PLXNB2: variants seen among roughly 807,000 people sequenced by gnomAD.
PLXNB2 encodes plexin B2, also known as plexin-B2.
Under a neutral mutation model 202.6 loss-of-function variants are expected in PLXNB2, and 85 were observed. The observed-to-expected ratio is 0.42, with a 90% CI of 0.35 to 0.50. The LOEUF (loss-of-function observed/expected upper bound fraction) is 0.50, where lower values mean the gene tolerates loss of function less well. Among genes scored for constraint, PLXNB2 ranks in the 20% least tolerant of loss-of-function variants. The pLI is 0.02. For synonymous variants in PLXNB2, 1,239 were observed against 1,137.6 expected, an observed-to-expected ratio of 1.09 and a Z score of -1.79; for missense variants, 2,063 against 2,586.2, an observed-to-expected ratio of 0.80 and a Z score of 4.39.
Position 50,294,677 on chromosome 22 carries a change from T to C in PLXNB2, c.-14+42A>G, listed in dbSNP as rs1410318271. On this transcript the variant is annotated intron_variant, in intron 2 of 36. Transcript: ENST00000359337. ...GATACCTCCGGCCTCCCTGTCCACA[T>C]AGCCCCAGCCACCCACTGCCTTTCC... 5.5e-6 allele frequency: 5 copies of C among 915,596 alleles called. No individual in the cohort carries two copies. The Admixed American group carries it at 1.9e-4, about 34-fold the overall frequency. 56.7% of individuals were successfully genotyped at this position (915,596 alleles called of 1,614,324 possible). A position where few individuals can be genotyped will look rare whatever the true frequency, so the allele number is the denominator to read the frequency against.
intron 19 of PLXNB2, 33 bp from the exon 20 acceptor site, chr22:50,282,114 C>T (rs764515134): frequency 3.7e-6 from 6 of 1,604,520 alleles, no homozygotes; most frequent in Non-Finnish European, 5.1e-6. Flanking sequence ...AGCCCCCGGG[C>T]GCAGACCCCG....
chr22:50,307,505 C>T (rs899791761), intron 1 of PLXNB2, 48 bp downstream of exon 1: 4 of 936,472 alleles, frequency 4.3e-6, no homozygotes, highest in Middle Eastern at 5.4e-4. Flanking sequence ...AAGCCCCCCC[C>T]ACGCCCAGCG....
chr22:50,298,869 C>A (rs906133011), intron 1 of PLXNB2, among the ~76,000 whole-genome samples: 3 of 152,384 alleles, frequency 2.0e-5, no homozygotes, highest in East Asian at 1.9e-4. Context: ...CGGTTTCGAA[C>A]TCCTGAGCTC....
At chr22:50,276,039 C>T in intron 35 of PLXNB2, 76 bp from the exon 36 acceptor site, 1 of 1,428,002 alleles carries the variant, frequency 7.0e-7, no homozygotes, top group Admixed American at 1.7e-5. Context: ...GTACGGGACG[C>T]CCAGGACGAG....
At chr22:50,279,929 G>C in intron 26 of PLXNB2, 76 bp downstream of exon 26, 1 of 1,419,626 alleles carries the variant, frequency 7.0e-7, no homozygotes, top group Non-Finnish European at 9.8e-7. Context: ...GTGCCGTACA[G>C]ATAGGGGAAC....
Position 50,297,122 on chromosome 22 carries a change from C to A in PLXNB2, c.-73-2344G>T, listed in dbSNP as rs1291632798. ...GGTCTCCTGAGAAAGCTGGGACCCG[C>A]GGGGACTGGAGACTGCAGCTCCCGA... On this transcript the variant is annotated intron_variant, in intron 1 of 36. Coordinates refer to ENST00000359337, the MANE Select transcript of PLXNB2 (RefSeq NM_012401.4). The surrounding 1 kb of genome is among the most constrained non-coding windows in gnomAD (Gnocchi z 5.3). Among the ~76,000 whole-genome samples the A allele has an allele frequency of 6.6e-6, 1 of 152,186 alleles. No individual in the cohort carries two copies. The highest frequency in any genetic ancestry group is 1.5e-5 in the Non-Finnish European group (1 of 68,028).
In PLXNB2 at chr22:50,283,965, G is replaced by A. The variant is rs556323451; in HGVS notation, c.2289C>T (p.Gly763=). The change falls in exon 14 of 37, where the codon GGC becomes GGT. Residue 763 remains glycine, a synonymous_variant. Coordinates refer to ENST00000359337, the MANE Select transcript of PLXNB2 (RefSeq NM_012401.4). ...LHVTLYNCSF[G]RSDCSLCRAA... ...CCCGGCACAGGCTGCAGTCGCTGCG[G>A]CCAAAGGAGCAGTTGTAGAGGGTCA... is the stretch of plus-strand genomic sequence containing the variant. 119 of 1,550,008 alleles carry A rather than the reference G, an allele frequency of 7.7e-5. 1 individual carries two copies. In the East Asian group the frequency reaches 2.8e-3, roughly 36 times the overall value.
At chr22:50,298,166 G>A (rs1211906868) in intron 1 of PLXNB2, among the ~76,000 whole-genome samples, 1 of 152,260 alleles carries the variant, frequency 6.6e-6, no homozygotes, top group Non-Finnish European at 1.5e-5. Context: ...TGACATGCAG[G>A]GGCGCGAGCC....
Position 50,289,671 on chromosome 22 carries a change from C to A in PLXNB2, c.914G>T (p.Gly305Val). The change falls in exon 3 of 37, where the codon GGG becomes GTG. Residue 305 changes from glycine to valine, a missense_variant. Physicochemically the swap from Gly to Val is moderately radical, Grantham distance 109 (BLOSUM62 -3). Transcript: ENST00000359337. This position sits in a 1 kb window ranked among gnomAD's most constrained non-coding sequence, Gnocchi z 8.0. ...AVFSRDSRSSGGPGAGLCLFP... is the reference protein window; with the variant it reads ...AVFSRDSRSSVGPGAGLCLFP... The stretch of plus-strand genomic sequence containing the variant: ...CAGGCAGAGGCCCGCACCGGGCCCC[C>A]CACTGCTCCGGCTGTCTCTGCTGAA... The A allele has an allele frequency of 1.2e-6, 2 of 1,610,184 alleles. No homozygotes were observed. Among genetic ancestry groups the A allele is most frequent in the Non-Finnish European group, 1.7e-6 (2 of 1,179,832 alleles).
Position 50,303,337 on chromosome 22 carries a change from G to A in PLXNB2, c.-74+4216C>T, listed in dbSNP as rs899640838. ...CCCCACTTTGGACCAGCAGGGCAGG[G>A]GGGTTCCTCCTCTGAGAAGTCCTCA... On this transcript the variant is annotated intron_variant, in intron 1 of 36. Transcript: ENST00000359337. Among the ~76,000 whole-genome samples the A allele has an allele frequency of 5.3e-5, 8 of 152,222 alleles. 1 individual carries two copies.
intron 1 of PLXNB2, among the ~76,000 whole-genome samples, chr22:50,303,682 CTG>C (rs959564955): frequency 1.3e-5 from 2 of 152,254 alleles, no homozygotes; most frequent in African/African-American, 2.4e-5. Context: ...GTGCTGGACA[CTG>C]TGTCTCCACA....
intron 1 of PLXNB2, among the ~76,000 whole-genome samples, chr22:50,296,590 C>CAAAAAA (rs34197202): frequency 2.1e-4 from 12 of 56,426 alleles, no homozygotes; most frequent in East Asian, 5.6e-4. Context: ...GACTCTGTCT[C>CAAAAAA]AAAAAAAAAA....
In PLXNB2 at chr22:50,283,168, C is replaced by T; in HGVS notation, c.2698G>A (p.Val900Met). ...FTFQQPKPLS[V>M]EPQQGPQAGG... ...GCCTGCGGTCCCTGCTGCGGCTCCA[C>T]ACTGAGAGGCTTGGGCTGCTGAAAG... Residue 900 changes from valine to methionine, a missense_variant, in exon 17 of 37, where the codon GTG becomes ATG. This residue lies in a region of PLXNB2 where 1,303 missense variants were observed against 1,476.8 expected (regional missense o/e 0.88). Transcript: ENST00000359337. 1.3e-6 allele frequency: 2 copies of T among 1,599,708 alleles called. No homozygotes were observed. Among genetic ancestry groups the T allele is most frequent in the Non-Finnish European group, 8.5e-7 (1 of 1,174,670 alleles).
At position 50,282,699 on chromosome 22, in the gene PLXNB2, C is replaced by A; in HGVS notation, c.2987+12G>T. 1 of 1,508,820 alleles carries A rather than the reference C, an allele frequency of 6.6e-7. No individual in the cohort carries two copies. Among genetic ancestry groups the A allele is most frequent in the Non-Finnish European group, 8.9e-7 (1 of 1,124,418 alleles). 93.5% of individuals were successfully genotyped at this position (1,508,820 alleles called of 1,614,324 possible). On this transcript the variant is annotated intron_variant, in intron 18 of 36. Coordinates refer to ENST00000359337, the MANE Select transcript of PLXNB2 (RefSeq NM_012401.4). The stretch of plus-strand genomic sequence containing the variant: ...TGGGGAGCAGAGGGGGGCGGGGGGA[C>A]ACCAGCCTCACCTGGCAAAGCTTCG...
chr22:50,290,592 C>G lies in PLXNB2; in HGVS notation c.-8G>C. 2 of 1,593,634 alleles carry G rather than the reference C, an allele frequency of 1.3e-6. No homozygotes were observed. The highest frequency in any genetic ancestry group is 1.3e-5 in the African/African-American group (1 of 74,692). On this transcript the variant is annotated 5_prime_UTR_variant, in exon 3 of 37. Coordinates refer to ENST00000359337, the MANE Select transcript of PLXNB2 (RefSeq NM_012401.4). ...CCAGAGCTGCAGTGCCATTGCCCCC[C>G]GCACCCTGTGGGAAGAGAGAAGGGT...
At chr22:50,280,152 C>T in intron 25 of PLXNB2, 81 bp from the exon 26 acceptor site, 2 of 1,199,174 alleles carry the variant, frequency 1.7e-6, no homozygotes, top group Non-Finnish European at 2.4e-6. Flanking sequence ...CACCCGGCCA[C>T]CCTTGCGCCA....
chr22:50,301,493 C>G, intron 1 of PLXNB2: 1 of 658,272 alleles, frequency 1.5e-6, no homozygotes, highest in Non-Finnish European at 1.9e-6. Context: ...CACGGAGGGA[C>G]TCTCGTGGGA....
intron 1 of PLXNB2, among the ~76,000 whole-genome samples, chr22:50,304,089 T>G (rs554959597): frequency 2.6e-5 from 4 of 152,074 alleles, no homozygotes; most frequent in Non-Finnish European, 5.9e-5. Context: ...CCTCTGGGTG[T>G]GAAGGGCTCC....
In PLXNB2 at chr22:50,283,406, C is replaced by G. The variant is rs190910795; in HGVS notation, c.2610G>C (p.Thr870=). 3.1e-6 allele frequency: 5 copies of G among 1,613,282 alleles called. No homozygotes were observed. Among genetic ancestry groups the G allele is most frequent in the Non-Finnish European group, 4.2e-6 (5 of 1,179,942 alleles). ...CVIEAAETPF[T]GGVEVDVFGK... The stretch of plus-strand genomic sequence containing the variant: ...CGAAGACGTCCACCTCGACACCCCC[C>G]GTGAAAGGCGTCTCCGCAGCCTCGA... Residue 870 remains threonine, a synonymous_variant, in exon 16 of 37, where the codon ACG becomes ACC. Coordinates refer to ENST00000359337, the MANE Select transcript of PLXNB2 (RefSeq NM_012401.4).
Sources: gnomAD v4.1 joint callset for allele counts (sites outside exome capture counted in the v4.1 genomes callset) on GRCh38, gnomAD v4.1.1 for gene constraint, gnomAD v4.1.1 regional missense constraint, Gnocchi (gnomAD v3.1) non-coding constraint, MANE v1.5 for transcripts, NCBI Gene and HGNC (gene_info 2026-07-23, HGNC 2026-07-21) for gene names.